Variants in MACROD2 observed in about 807,000 individuals in gnomAD.
MACROD2 encodes the protein mono-ADP ribosylhydrolase 2, also known as ADP-ribose glycohydrolase MACROD2.
MACROD2 carries 36 observed loss-of-function variants against 70.4 expected under a neutral mutation model. The ratio of observed to expected loss-of-function variants is 0.51; its 90% CI spans 0.39 to 0.68. The LOEUF (loss-of-function observed/expected upper bound fraction) is 0.68, where lower values mean the gene tolerates loss of function less well. Among genes scored for constraint, MACROD2 ranks in the 30% least tolerant of loss-of-function variants. The pLI is 0.00. For missense variants in MACROD2, 496 were observed against 538.4 expected, an observed-to-expected ratio of 0.92 and a Z score of 0.78; for synonymous variants, 172 against 178.8, an observed-to-expected ratio of 0.96 and a Z score of 0.30.
At chr20:14,227,034 C>T (rs903288698) in intron 3 of MACROD2, among the ~76,000 whole-genome samples, 39 of 152,332 alleles carry the variant, frequency 2.6e-4, no homozygotes, top group African/African-American at 8.4e-4. Flanking sequence ...CACCAATTGG[C>T]ACTCTGTATC....
chr20:15,965,551 A>G (rs1251036939), intron 12 of MACROD2, among the ~76,000 whole-genome samples: 1 of 152,176 alleles, frequency 6.6e-6, no homozygotes. Flanking sequence ...CTATAACATT[A>G]ATGTTGAGAG....
At chr20:15,062,780 C>T (rs534680593) in intron 5 of MACROD2, among the ~76,000 whole-genome samples, 6 of 152,262 alleles carry the variant, frequency 3.9e-5, no homozygotes, top group East Asian at 3.9e-4. Context: ...GATGTCTGTA[C>T]GTGGCAATCC....
intron 8 of MACROD2, among the ~76,000 whole-genome samples, chr20:15,679,347 T>C (rs1037910481): frequency 2.7e-5 from 4 of 150,888 alleles, no homozygotes; most frequent in Middle Eastern, 3.5e-3. Context: ...TGAGGGGTGG[T>C]CAGGGAAGGA....
At chr20:15,467,578 C>T (rs905263952) in intron 7 of MACROD2, among the ~76,000 whole-genome samples, 1 of 152,278 alleles carries the variant, frequency 6.6e-6, no homozygotes, top group African/African-American at 2.4e-5. Context: ...TCCTCTCTCT[C>T]TTATTCCAAA....
chr20:14,444,492 T>G (rs1261086701), intron 3 of MACROD2, among the ~76,000 whole-genome samples: 1 of 152,040 alleles, frequency 6.6e-6, no homozygotes, highest in East Asian at 1.9e-4. Flanking sequence ...AGCCTCTTAA[T>G]ATTGAAATAA....
At chr20:14,972,895 A>G (rs909823669) in intron 5 of MACROD2, among the ~76,000 whole-genome samples, 1 of 152,214 alleles carries the variant, frequency 6.6e-6, no homozygotes, top group Non-Finnish European at 1.5e-5. Context: ...GTCATCTAAA[A>G]CTTAAACAGC....
chr20:15,802,320 T>C (rs1372811332), intron 8 of MACROD2, among the ~76,000 whole-genome samples: 1 of 152,192 alleles, frequency 6.6e-6, no homozygotes, highest in Non-Finnish European at 1.5e-5. Context: ...TGATGCCAGC[T>C]GTGGGTTTGT....
chr20:14,643,858 G>T (rs556181360), intron 4 of MACROD2, among the ~76,000 whole-genome samples: 2 of 152,118 alleles, frequency 1.3e-5, no homozygotes, highest in Non-Finnish European at 2.9e-5. Flanking sequence ...GAATGTATGG[G>T]TAGGTAAATG....
intron 8 of MACROD2, among the ~76,000 whole-genome samples, chr20:15,832,404 C>T (rs2064066378): frequency 6.6e-6 from 1 of 152,138 alleles, no homozygotes; most frequent in Non-Finnish European, 1.5e-5. Context: ...GGCAGGAAAC[C>T]ATTACCAGCC....
At chr20:14,195,388 TGGGAA>T (rs944023867) in intron 3 of MACROD2, among the ~76,000 whole-genome samples, 1 of 152,002 alleles carries the variant, frequency 6.6e-6, no homozygotes, top group Non-Finnish European at 1.5e-5. Flanking sequence ...AGGGAAGTGC[TGGGAA>T]GGGAAGGGCA....
At chr20:15,397,799 A>G (rs1271691094) in intron 6 of MACROD2, among the ~76,000 whole-genome samples, 1 of 152,130 alleles carries the variant, frequency 6.6e-6, no homozygotes, top group Non-Finnish European at 1.5e-5. Context: ...ACTGTTTCTC[A>G]TGAGGGTGGG....
intron 8 of MACROD2, among the ~76,000 whole-genome samples, chr20:15,566,404 A>G (rs925555576): frequency 3.3e-5 from 5 of 152,086 alleles, no homozygotes; most frequent in Non-Finnish European, 7.4e-5. Flanking sequence ...AGGCTGAGGC[A>G]TGAGAATAGC....
chr20:15,670,566 A>G (rs10485535), intron 8 of MACROD2, among the ~76,000 whole-genome samples: 7,285 of 152,306 alleles, frequency 0.048, 227 homozygotes, highest in Middle Eastern at 0.082. Context: ...TTCATTTTTC[A>G]TAAATGTCCC....
intron 5 of MACROD2, among the ~76,000 whole-genome samples, chr20:15,160,587 CAGG>C (rs2076341705): frequency 6.6e-6 from 1 of 151,948 alleles, no homozygotes; most frequent in Admixed American, 6.6e-5. Context: ...CAGGCATAAA[CAGG>C]AGAAAAATAG....
intron 8 of MACROD2, among the ~76,000 whole-genome samples, chr20:15,853,556 G>A (rs547210476): frequency 6.6e-6 from 1 of 152,272 alleles, no homozygotes; most frequent in South Asian, 2.1e-4. Context: ...TGCCTTTGCT[G>A]GCTTGAGGAT....
intron 5 of MACROD2, among the ~76,000 whole-genome samples, chr20:15,125,084 C>CT (rs1301313325): frequency 1.3e-5 from 2 of 151,900 alleles, no homozygotes; most frequent in Admixed American, 1.3e-4. Flanking sequence ...TATTATACCG[C>CT]TTTTGTGAAA....
chr20:15,279,997 C>G (rs1207317688), intron 6 of MACROD2, among the ~76,000 whole-genome samples: 1 of 152,164 alleles, frequency 6.6e-6, no homozygotes, highest in Non-Finnish European at 1.5e-5. Flanking sequence ...AGAGAAAAGA[C>G]TCCACAAATA....
intron 5 of MACROD2, among the ~76,000 whole-genome samples, chr20:15,017,197 G>T (rs981759648): frequency 6.6e-5 from 10 of 152,178 alleles, no homozygotes; most frequent in African/African-American, 2.4e-4. Flanking sequence ...GGGGGTACAG[G>T]TATTGGGTAA....
intron 7 of MACROD2, among the ~76,000 whole-genome samples, chr20:15,433,726 G>C (rs948029169): frequency 7.0e-6 from 1 of 143,830 alleles, no homozygotes; most frequent in Non-Finnish European, 1.5e-5. Flanking sequence ...CAAAAAAACA[G>C]CCTGCATAGC....
Sources: allele counts gnomAD v4.1 joint callset (sites outside exome capture counted in the v4.1 genomes callset), GRCh38; gene constraint gnomAD v4.1.1; transcripts MANE v1.5; gene names NCBI Gene and HGNC (gene_info 2026-07-23, HGNC 2026-07-21).